Variants in EYA4 observed in about 807,000 individuals in gnomAD.
The protein encoded by EYA4 is EYA transcriptional coactivator and phosphatase 4, also known as protein phosphatase EYA4.
A neutral mutation model predicts 87.9 loss-of-function variants in EYA4; 31 were observed. The observed-to-expected ratio is 0.35, with a 90% confidence interval of 0.27 to 0.48. EYA4 has a LOEUF of 0.48. Among genes scored for constraint, EYA4 ranks in the 20% least tolerant of loss-of-function variants. The pLI is 0.99. For synonymous variants in EYA4, 263 were observed against 270.6 expected (o/e 0.97, Z 0.28); for missense variants, 678 against 761.4 (o/e 0.89, Z 1.29).
At chr6:133,362,571 G>A (rs1040277780) in intron 2 of EYA4, among the ~76,000 whole-genome samples, 4 of 152,146 alleles carry the variant, frequency 2.6e-5, no homozygotes, top group Non-Finnish European at 5.9e-5. Context: ...TAGCTGCTGC[G>A]CAGGTCAAGC....
At chr6:133,282,164 C>T (rs768540261) in intron 2 of EYA4, among the ~76,000 whole-genome samples, 2 of 152,018 alleles carry the variant, frequency 1.3e-5, no homozygotes, top group Non-Finnish European at 2.9e-5. Flanking sequence ...TGAGAAATCT[C>T]CAACCTGCTT....
At chr6:133,250,440 G>A (rs533343107) in intron 1 of EYA4, among the ~76,000 whole-genome samples, 6 of 152,118 alleles carry the variant, frequency 3.9e-5, no homozygotes, top group Non-Finnish European at 5.9e-5. Context: ...TCAGGAGTTC[G>A]AGACCAGCCT....
Position 133,462,722 on chromosome 6 carries a change from A to C in EYA4, c.682A>C (p.Thr228Pro), listed in dbSNP as rs775920571. The change falls in exon 9 of 20, where the codon ACC (threonine) becomes CCC (proline). Residue 228 changes from threonine (T) to proline (P), a missense_variant. Physicochemically the swap from Thr to Pro is conservative, Grantham distance 38 (BLOSUM62 -1). Coordinates refer to ENST00000355286, the MANE Select transcript of EYA4 (RefSeq NM_004100.5). ...CCTCAGTTACAGCCCAGGGTTCTCT[A>C]CCCCACAGCCAGGCCAGACACCTTA... Reference protein sequence around the residue: ...GCLSYSPGFSTPQPGQTPYSY... With the variant: ...GCLSYSPGFSPPQPGQTPYSY... The C allele has an allele frequency of 6.2e-7, 1 of 1,613,798 alleles. No homozygotes were observed. The highest frequency in any genetic ancestry group is 1.1e-5 in the South Asian group (1 of 91,078).
At chr6:133,489,316 G>A (rs1796942290) in intron 13 of EYA4, among the ~76,000 whole-genome samples, 1 of 152,006 alleles carries the variant, frequency 6.6e-6, no homozygotes, top group African/African-American at 2.4e-5. Flanking sequence ...GGAGATGGAG[G>A]GGTGGGGCTA....
intron 2 of EYA4, among the ~76,000 whole-genome samples, chr6:133,314,832 C>A (rs1295340390): frequency 6.6e-6 from 1 of 152,142 alleles, no homozygotes; most frequent in Non-Finnish European, 1.5e-5. Flanking sequence ...TACTGCATAG[C>A]ACCCTCCTTT....
intron 2 of EYA4, among the ~76,000 whole-genome samples, chr6:133,315,715 G>A (rs530059189): frequency 9.2e-5 from 14 of 152,272 alleles, no homozygotes; most frequent in Middle Eastern, 3.4e-3. Flanking sequence ...GAAGCTTGTG[G>A]AAGTGAATGA....
At chr6:133,431,710 A>C (rs926125372) in intron 3 of EYA4, among the ~76,000 whole-genome samples, 1 of 152,250 alleles carries the variant, frequency 6.6e-6, no homozygotes, top group Non-Finnish European at 1.5e-5. Context: ...TTGTAAAGAA[A>C]GAATTATATG....
In EYA4 at chr6:133,530,700, G is replaced by A; in HGVS notation, c.*1895G>A. On this transcript the variant is annotated 3_prime_UTR_variant, in exon 20 of 20. Coordinates refer to ENST00000355286, the MANE Select transcript of EYA4 (RefSeq NM_004100.5). Reference sequence around the variant, plus strand: ...AGGCCATGTTTATATTGGGTAGAAAGATATTGAGATCCCAATTTTGTACAA... The same window carrying A: ...AGGCCATGTTTATATTGGGTAGAAAAATATTGAGATCCCAATTTTGTACAA... 1 of 985,858 alleles carries A rather than the reference G, an allele frequency of 1.0e-6. No individual in the cohort carries two copies. The highest frequency in any genetic ancestry group is 1.2e-6 in the Non-Finnish European group (1 of 829,908). The allele number at this position is 985,858 out of a possible 1,614,324, so 61.1% of individuals were successfully genotyped here. A position where few individuals can be genotyped will look rare whatever the true frequency, so the allele number is the denominator to read the frequency against.
intron 13 of EYA4, among the ~76,000 whole-genome samples, chr6:133,486,768 G>T (rs1305522494): frequency 6.6e-6 from 1 of 152,180 alleles, no homozygotes; most frequent in African/African-American, 2.4e-5. Flanking sequence ...GTCTAGTGTG[G>T]CTGGAAGGTT....
intron 1 of EYA4, among the ~76,000 whole-genome samples, chr6:133,268,448 A>T (rs1204259034): frequency 6.6e-6 from 1 of 152,194 alleles, no homozygotes; most frequent in Non-Finnish European, 1.5e-5. Context: ...TTTTCCTCGG[A>T]AAGAGAGCAC....
intron 2 of EYA4, among the ~76,000 whole-genome samples, chr6:133,361,005 T>C (rs1467464316): frequency 2.0e-5 from 3 of 152,204 alleles, no homozygotes; most frequent in Non-Finnish European, 2.9e-5. Flanking sequence ...AAGAAGGCAG[T>C]TCTCCATGGG....
intron 2 of EYA4, among the ~76,000 whole-genome samples, chr6:133,347,993 A>T (rs1309171427): frequency 6.6e-6 from 1 of 152,202 alleles, no homozygotes; most frequent in East Asian, 1.9e-4. Flanking sequence ...TGGATAGGTC[A>T]AAGAGTAGGT....
At chr6:133,376,121 T>C (rs1785660583) in intron 2 of EYA4, among the ~76,000 whole-genome samples, 1 of 151,912 alleles carries the variant, frequency 6.6e-6, no homozygotes, top group Non-Finnish European at 1.5e-5. Context: ...TTTCTATGTT[T>C]ACAAAGAGTT....
intron 1 of EYA4, among the ~76,000 whole-genome samples, chr6:133,249,777 C>T (rs185688173): frequency 6.6e-6 from 1 of 152,194 alleles, no homozygotes; most frequent in East Asian, 1.9e-4. Context: ...TTCCTCTGAC[C>T]TCCAGAGTCT....
At chr6:133,521,491 A>T (rs1191388600) in intron 17 of EYA4, among the ~76,000 whole-genome samples, 4 of 138,006 alleles carry the variant, frequency 2.9e-5, no homozygotes, top group African/African-American at 1.1e-4. Context: ...ATGTGGAGAA[A>T]TAGGAACACT....
intron 1 of EYA4, among the ~76,000 whole-genome samples, chr6:133,244,061 T>G (rs547220698): frequency 6.6e-6 from 1 of 152,368 alleles, no homozygotes; most frequent in Admixed American, 6.5e-5. Context: ...CAGCTACAGC[T>G]TTGAAAGCAA....
At chr6:133,461,232 C>A (rs1288857689) in intron 7 of EYA4, 52 bp downstream of exon 7, 2 of 1,213,016 alleles carry the variant, frequency 1.6e-6, no homozygotes, top group Non-Finnish European at 2.5e-6. Context: ...TATGTCTATA[C>A]ATGTTTTATA....
chr6:133,506,310 G>T (rs1343108623), intron 14 of EYA4, 115 bp downstream of exon 14: 1 of 650,276 alleles, frequency 1.5e-6, no homozygotes, highest in Admixed American at 2.7e-5. Flanking sequence ...CTCAAGAGAA[G>T]CATAAAGTTC....
intron 17 of EYA4, among the ~76,000 whole-genome samples, chr6:133,515,938 C>T (rs1799561781): frequency 6.6e-6 from 1 of 152,128 alleles, no homozygotes; most frequent in South Asian, 2.1e-4. Flanking sequence ...AAAATTCTAA[C>T]CATTTTGTTG....
Sources: allele counts gnomAD v4.1 joint callset (sites outside exome capture counted in the v4.1 genomes callset), GRCh38; gene constraint gnomAD v4.1.1; transcripts MANE v1.5; gene names NCBI Gene and HGNC (gene_info 2026-07-23, HGNC 2026-07-21).